GABRA1: variants seen among roughly 807,000 people sequenced by gnomAD.
The protein encoded by GABRA1 is gamma-aminobutyric acid type A receptor subunit alpha1.
A neutral mutation model predicts 48.9 loss-of-function variants in GABRA1; 9 were observed. The ratio of observed to expected loss-of-function variants is 0.18; its 90% CI spans 0.11 to 0.32. The LOEUF (loss-of-function observed/expected upper bound fraction) is 0.32. GABRA1 is among the 10% of genes least tolerant of loss of function. The pLI is 1.00. For synonymous variants in GABRA1, 210 were observed against 198.7 expected, an observed-to-expected ratio of 1.06 and a Z score of -0.48; for missense variants, 285 against 553.8, an observed-to-expected ratio of 0.51 and a Z score of 4.87.
chr5:161,861,825 A>T (rs1296074599), intron 3 of GABRA1, among the ~76,000 whole-genome samples: 1 of 151,872 alleles, frequency 6.6e-6, no homozygotes, highest in Non-Finnish European at 1.5e-5. Context: ...ATTTTAAAGT[A>T]GGGTTTTCAG....
intron 3 of GABRA1, among the ~76,000 whole-genome samples, chr5:161,854,985 G>T (rs983413074): frequency 1.3e-5 from 2 of 151,292 alleles, no homozygotes; most frequent in Admixed American, 6.6e-5. Flanking sequence ...GTTAAACAAA[G>T]ACTAATGAAG....
chr5:161,868,652 C>T (rs1228373138), intron 4 of GABRA1, among the ~76,000 whole-genome samples: 1 of 152,128 alleles, frequency 6.6e-6, no homozygotes, highest in African/African-American at 2.4e-5. Flanking sequence ...GTCTCTGGCA[C>T]CTGGCATGGT....
At chr5:161,869,108 A>C (rs1226212365) in intron 4 of GABRA1, among the ~76,000 whole-genome samples, 6 of 152,186 alleles carry the variant, frequency 3.9e-5, no homozygotes, top group Admixed American at 3.9e-4. Context: ...AATTGTGTAC[A>C]AGAAGAAGCA....
chr5:161,888,358 A>G (rs1754940232), intron 7 of GABRA1, among the ~76,000 whole-genome samples: 1 of 152,086 alleles, frequency 6.6e-6, no homozygotes, highest in African/African-American at 2.4e-5. Flanking sequence ...CACTCTTAAA[A>G]TTGTATTTAA....
intron 7 of GABRA1, among the ~76,000 whole-genome samples, chr5:161,885,605 GAGGCA>G (rs1457943299): frequency 6.6e-6 from 1 of 152,114 alleles, no homozygotes; most frequent in Non-Finnish European, 1.5e-5. Context: ...ATTAACATAA[GAGGCA>G]AGAAGATGGA....
chr5:161,854,066 A>G lies in GABRA1; in HGVS notation c.75-92A>G, dbSNP rs1757550178. 7 of 672,504 alleles carry G rather than the reference A, an allele frequency of 1.0e-5. No homozygotes were observed. The South Asian group carries it at 1.4e-4, about 13-fold the overall frequency. The allele number at this position is 672,504 out of a possible 1,614,324, so 41.7% of individuals were successfully genotyped here. ...TTCAAGTTAAGATTCAGTAGAAACC[A>G]AAGTAGAAAAACTGAGAAAGGATTT... On this transcript the variant is annotated intron_variant, in intron 2 of 9. Transcript: ENST00000393943.
chr5:161,894,465 G>T (rs1006485307), intron 8 of GABRA1, among the ~76,000 whole-genome samples: 1 of 152,070 alleles, frequency 6.6e-6, no homozygotes. Flanking sequence ...TTTCAACAAT[G>T]GTATAGACAG....
intron 8 of GABRA1, among the ~76,000 whole-genome samples, chr5:161,891,709 T>C (rs1439982904): frequency 6.6e-6 from 1 of 152,204 alleles, no homozygotes; most frequent in Non-Finnish European, 1.5e-5. Context: ...TAAAAAGGTA[T>C]TTCCTGCCTA....
At position 161,898,706 on chromosome 5, in the gene GABRA1, A is replaced by G. The variant is rs1020658989; in HGVS notation, c.*1284A>G. 5.2e-5 allele frequency: 8 copies of G among 152,510 alleles called. No homozygotes were observed. Among genetic ancestry groups the G allele is most frequent in the African/African-American group, 1.9e-4 (8 of 41,428 alleles). 9.4% of individuals were successfully genotyped at this position (152,510 alleles called of 1,614,324 possible). On this transcript the variant is annotated 3_prime_UTR_variant, in exon 10 of 10. Coordinates refer to ENST00000393943, the MANE Select transcript of GABRA1 (RefSeq NM_001127644.2). ...TTCAAGTCATTCCACACATTTCCCT[A>G]TTTTAGGCTATTATAATATAGAAAG...
At chr5:161,857,575 T>C (rs1344695708) in intron 3 of GABRA1, among the ~76,000 whole-genome samples, 2 of 151,512 alleles carry the variant, frequency 1.3e-5, no homozygotes. Context: ...GGATGACTAA[T>C]AAAGAGGTAT....
chr5:161,874,595 C>A (rs1049900581), intron 5 of GABRA1, among the ~76,000 whole-genome samples: 1 of 152,074 alleles, frequency 6.6e-6, no homozygotes, highest in African/African-American at 2.4e-5. Context: ...TCATCTGTAT[C>A]TTTCATCTCC....
At chr5:161,892,339 T>C (rs1013400633) in intron 8 of GABRA1, among the ~76,000 whole-genome samples, 4 of 152,218 alleles carry the variant, frequency 2.6e-5, no homozygotes, top group Non-Finnish European at 4.4e-5. Context: ...ATGGTATCAT[T>C]TTTCAATAAT....
rs371392768 is a variant in GABRA1 at position 161,897,269 on chromosome 5, A to G, written c.1218A>G (p.Pro406=). Residue 406 remains proline, a synonymous_variant, in exon 10 of 10, where the codon CCA becomes CCG. Transcript: ENST00000393943. ...AAGAGGTCAAGCCCGAAACAAAACC[A>G]CCAGAACCCAAGAAAACCTTTAACA... ...EPKEVKPETK[P]PEPKKTFNSV... is the part of the protein sequence containing the mutation. 5 of 1,614,004 alleles carry G rather than the reference A, an allele frequency of 3.1e-6. No individual in the cohort carries two copies. In the African/African-American group the frequency reaches 6.7e-5, roughly 22 times the overall value.
At chr5:161,865,849 A>G (rs1753813293) in intron 4 of GABRA1, 61 bp downstream of exon 4, 2 of 1,421,822 alleles carry the variant, frequency 1.4e-6, no homozygotes, top group Admixed American at 3.4e-5. Context: ...CTTTTCAAAG[A>G]AAAATATAAA....
chr5:161,880,073 C>T (rs1754546341), intron 6 of GABRA1, among the ~76,000 whole-genome samples: 1 of 152,118 alleles, frequency 6.6e-6, no homozygotes, highest in Non-Finnish European at 1.5e-5. Context: ...TACAGTTTTG[C>T]CTAGAAAAAC....
At chr5:161,870,349 G>A (rs928310505) in intron 4 of GABRA1, among the ~76,000 whole-genome samples, 1 of 152,026 alleles carries the variant, frequency 6.6e-6, no homozygotes, top group African/African-American at 2.4e-5. Flanking sequence ...ATCACCTGAG[G>A]TCAGGAGTTT....
intron 9 of GABRA1, among the ~76,000 whole-genome samples, chr5:161,896,527 G>A (rs190721590): frequency 6.6e-6 from 1 of 152,162 alleles, no homozygotes; most frequent in African/African-American, 2.4e-5. Context: ...GAGGATAGCT[G>A]TGTTTGTGGG....
intron 6 of GABRA1, among the ~76,000 whole-genome samples, chr5:161,879,357 C>G (rs558765174): frequency 1.3e-5 from 2 of 152,244 alleles, no homozygotes; most frequent in Admixed American, 6.5e-5. Flanking sequence ...ATAGATCTGC[C>G]CATGTTGGCC....
chr5:161,885,679 C>T (rs1754813934), intron 7 of GABRA1, among the ~76,000 whole-genome samples: 1 of 152,132 alleles, frequency 6.6e-6, no homozygotes, highest in Non-Finnish European at 1.5e-5. Flanking sequence ...GGTACAATTC[C>T]TTCCTTGGAT....
Sources: gnomAD v4.1 joint callset for allele counts (sites outside exome capture counted in the v4.1 genomes callset) on GRCh38, gnomAD v4.1.1 for gene constraint, MANE v1.5 for transcripts, NCBI Gene and HGNC (gene_info 2026-07-23, HGNC 2026-07-21) for gene names.